RADX: variants seen among roughly 807,000 people sequenced by gnomAD.
RADX encodes the protein RPA1 related single stranded DNA binding protein, X-linked, also known as RPA-related protein RADX.
Under a neutral mutation model 61.6 loss-of-function variants are expected in RADX, and 36 were observed. The ratio of observed to expected loss-of-function variants is 0.58; its 90% confidence interval spans 0.45 to 0.77. The LOEUF (loss-of-function observed/expected upper bound fraction) is 0.77. Ranked by LOEUF, RADX falls within the 30% of genes least tolerant of loss-of-function variation. RADX has a pLI of 0.00. For missense variants in RADX, 497 were observed against 651.1 expected, an observed-to-expected ratio of 0.76 and a Z score of 2.58; for synonymous variants, 272 against 237.9, an observed-to-expected ratio of 1.14 and a Z score of -1.32.
intron 11 of RADX, among the ~76,000 whole-genome samples, chrX:106,657,452 CT>C (rs1351694229): frequency 8.9e-6 from 1 of 112,155 alleles, no homozygotes; most frequent in Non-Finnish European, 1.9e-5. Context: ...CCTTCAAGAA[CT>C]TTTACATTGC....
intron 11 of RADX, among the ~76,000 whole-genome samples, chrX:106,653,109 G>A (rs746605561): frequency 4.5e-5 from 5 of 110,012 alleles, no homozygotes; most frequent in Non-Finnish European, 7.6e-5. Context: ...TCATCACCAC[G>A]AGACCTACAC....
intron 11 of RADX, among the ~76,000 whole-genome samples, chrX:106,656,298 CA>C (rs1927939793): frequency 9.0e-6 from 1 of 111,636 alleles, no homozygotes; most frequent in Non-Finnish European, 1.9e-5. Flanking sequence ...CTGCCATTTC[CA>C]CCACTTCTGC....
intron 13 of RADX, among the ~76,000 whole-genome samples, chrX:106,672,013 G>A (rs1225418742): frequency 1.8e-5 from 2 of 111,271 alleles, no homozygotes; most frequent in Non-Finnish European, 3.8e-5. Context: ...TTATCTTGTA[G>A]CTGCTGGTTT....
intron 12 of RADX, 136 bp downstream of exon 12, chrX:106,662,441 GA>G: frequency 6.1e-6 from 3 of 492,344 alleles, no homozygotes; most frequent in Middle Eastern, 9.7e-4. Flanking sequence ...CCAACAAAAG[GA>G]ATGGAGCACC....
At chrX:106,638,267 C>CTTT in intron 8 of RADX, 2 of 123,091 alleles carry the variant, frequency 1.6e-5, no homozygotes, top group Admixed American at 9.4e-5. Flanking sequence ...CCTGAAACTT[C>CTTT]TTTTTTTTTT....
chrX:106,639,417 T>C (rs1927448141), intron 8 of RADX, 110 bp from the exon 9 acceptor site: 2 of 619,521 alleles, frequency 3.2e-6, no homozygotes, highest in Non-Finnish European at 4.8e-6. Flanking sequence ...GTCTCACAGT[T>C]AATGTAGTAA....
In RADX at chrX:106,669,021, A is replaced by G. The variant is rs187652582; in HGVS notation, c.2270-142A>G. ...TGTATTCATAAATTGCAATACTAGG[A>G]GTTTAGTCTCCAGTTTTCAAACACA... On this transcript the variant is annotated intron_variant, in intron 12 of 13. Transcript: ENST00000372548. 7.4e-4 allele frequency: 371 copies of G among 504,304 alleles called. 1 individual carries two copies. The highest frequency in any genetic ancestry group is 2.8e-3 in the Middle Eastern group (5 of 1,779). The allele number at this position is 504,304 out of a possible 1,213,427, so 41.6% of individuals were successfully genotyped here.
chrX:106,617,708 A>G (rs1414454008), intron 1 of RADX, among the ~76,000 whole-genome samples: 2 of 111,863 alleles, frequency 1.8e-5, no homozygotes, highest in Non-Finnish European at 3.8e-5. Context: ...TATTAGGACA[A>G]TGATACTCAA....
chrX:106,624,320 A>G (rs773747387), intron 2 of RADX, among the ~76,000 whole-genome samples: 1 of 111,546 alleles, frequency 9.0e-6, no homozygotes, highest in African/African-American at 3.3e-5. Context: ...CCAGTTACAC[A>G]TACCTGTTAA....
In RADX at chrX:106,640,569, G is replaced by T. The variant is rs62603154; in HGVS notation, c.1752G>T (p.Ser584=). Residue 584 remains serine, a synonymous_variant, in exon 10 of 14, where the codon TCG becomes TCT. Coordinates refer to ENST00000372548, the MANE Select transcript of RADX (RefSeq NM_018015.6). The part of the protein sequence containing the change: ...SETLRNANRP[S]TSQAARVEIQ... ...GGTTTTAGAATGCTAACAGACCCTC[G>T]ACCTCTCAAGCAGCTAGAGTAGAAA... is the stretch of plus-strand genomic sequence containing the variant. The T allele has an allele frequency of 8.4e-7, 1 of 1,188,702 alleles. No individual in the cohort carries two copies. Among genetic ancestry groups the T allele is most frequent in the Non-Finnish European group, 1.1e-6 (1 of 884,795 alleles).
intron 11 of RADX, among the ~76,000 whole-genome samples, chrX:106,660,750 T>C (rs1928069332): frequency 8.9e-6 from 1 of 112,261 alleles, no homozygotes; most frequent in Non-Finnish European, 1.9e-5. Context: ...ACACAATGTC[T>C]GGCACATAAT....
intron 11 of RADX, among the ~76,000 whole-genome samples, chrX:106,653,683 C>T (rs1927858582): frequency 9.0e-6 from 1 of 110,596 alleles, no homozygotes; most frequent in African/African-American, 3.3e-5. Context: ...CTATCCCTCC[C>T]CTAGCCCCCA....
At chrX:106,664,240 TG>T (rs1211203554) in intron 12 of RADX, among the ~76,000 whole-genome samples, 2 of 110,024 alleles carry the variant, frequency 1.8e-5, no homozygotes, top group South Asian at 3.9e-4. Flanking sequence ...CAATTGTTAT[TG>T]TTTTTTTTCT....
intron 1 of RADX, among the ~76,000 whole-genome samples, chrX:106,615,556 TA>T (rs1043303697): frequency 2.1e-4 from 24 of 112,190 alleles, no homozygotes; most frequent in African/African-American, 7.1e-4. Context: ...AAAAACATTT[TA>T]AAAGTGCCTT....
chrX:106,641,269 C>A (rs1377174535), intron 10 of RADX, among the ~76,000 whole-genome samples: 1 of 107,310 alleles, frequency 9.3e-6, no homozygotes, highest in African/African-American at 3.7e-5. Flanking sequence ...ACCCATAAGT[C>A]TGCCCTCTGG....
intron 12 of RADX, 56 bp from the exon 13 acceptor site, chrX:106,669,107 C>T: frequency 1.0e-6 from 1 of 974,088 alleles, no homozygotes; most frequent in East Asian, 3.1e-5. Context: ...AACTCGGCAT[C>T]AGCACCACAT....
chrX:106,646,210 ATG>A (rs1307917830), intron 10 of RADX, among the ~76,000 whole-genome samples: 1 of 110,995 alleles, frequency 9.0e-6, no homozygotes, highest in Non-Finnish European at 1.9e-5. Context: ...TAGGTAAAGT[ATG>A]TTTCTCATAA....
chrX:106,633,993 G>C (rs1603043043), intron 6 of RADX, among the ~76,000 whole-genome samples: 1 of 111,379 alleles, frequency 9.0e-6, no homozygotes, highest in Non-Finnish European at 1.9e-5. Context: ...GTAGTTAGGG[G>C]ATGACATTTT....
At chrX:106,614,996 G>A (rs1321731392) in intron 1 of RADX, among the ~76,000 whole-genome samples, 1 of 111,228 alleles carries the variant, frequency 9.0e-6, no homozygotes, top group East Asian at 2.8e-4. Context: ...CTCCTGGTCA[G>A]TACCCTATCT....
Sources: allele counts gnomAD v4.1 joint callset (sites outside exome capture counted in the v4.1 genomes callset), GRCh38; gene constraint gnomAD v4.1.1; transcripts MANE v1.5; gene names NCBI Gene and HGNC (gene_info 2026-07-23, HGNC 2026-07-21).